The following MECOM variants were observed in gnomAD, a reference collection of about 807,000 sequenced individuals.
The protein encoded by MECOM is MDS1 and EVI1 complex locus.
A neutral mutation model predicts 116.3 loss-of-function variants in MECOM; 13 were observed. The observed-to-expected ratio is 0.11, with a 90% CI of 0.07 to 0.18. The LOEUF (loss-of-function observed/expected upper bound fraction) is 0.18, where lower values mean the gene tolerates loss of function less well. MECOM is among the 10% of genes least tolerant of loss of function. The pLI, the probability that MECOM is intolerant of heterozygous loss-of-function variation, is 1.00. For missense variants in MECOM, 1,299 were observed against 1,509.0 expected, an observed-to-expected ratio of 0.86 and a Z score of 2.31; for synonymous variants, 528 against 535.2, an observed-to-expected ratio of 0.99 and a Z score of 0.19.
At chr3:169,097,373 C>T (rs906539784) in intron 12 of MECOM, among the ~76,000 whole-genome samples, 3 of 152,100 alleles carry the variant, frequency 2.0e-5, no homozygotes, top group East Asian at 1.9e-4. Flanking sequence ...AAAATCACTT[C>T]CTTCTACACA....
rs1213085903 is a variant in MECOM, at chr3:169,089,059, T to C, written c.3526A>G (p.Ser1176Gly). ...AGTTCCTCTGGCACATGGGAAGTAC[T>C]AAAAGAAGACAGCTCAGCTTCAGAA... Reference protein sequence around the residue: ...QYSEAELSSFSTSHVPEELKQ... With the variant: ...QYSEAELSSFGTSHVPEELKQ... The change falls in exon 16 of 17, where the codon AGT becomes GGT. Residue 1176 changes from serine (S) to glycine (G), a missense_variant. By Grantham distance (56) the Ser-to-Gly change is moderately conservative. Around this residue, in one of 6 missense-constraint regions of MECOM, gnomAD observed 273 missense variants for 289.3 expected, o/e 0.94. Coordinates refer to ENST00000651503, the MANE Select transcript of MECOM (RefSeq NM_004991.4). 6.2e-7 allele frequency: 1 copy of C among 1,609,724 alleles called. No homozygotes were observed. The highest frequency in any genetic ancestry group is 1.1e-5 in the South Asian group (1 of 90,212).
chr3:169,544,033 G>A (rs1360878950), intron 1 of MECOM, among the ~76,000 whole-genome samples: 1 of 152,136 alleles, frequency 6.6e-6, no homozygotes, highest in Non-Finnish European at 1.5e-5. Flanking sequence ...TTACAGGCAT[G>A]TGCCACCACA....
intron 2 of MECOM, among the ~76,000 whole-genome samples, chr3:169,212,223 A>G (rs9852670): frequency 0.13 from 20,344 of 151,960 alleles, 2,112 homozygotes; most frequent in African/African-American, 0.27. Flanking sequence ...ATGCAGCAGC[A>G]TCTCCAGGAA....
At chr3:169,227,231 T>C (rs1329860891) in intron 2 of MECOM, among the ~76,000 whole-genome samples, 8 of 152,110 alleles carry the variant, frequency 5.3e-5, no homozygotes, top group Admixed American at 4.6e-4. Flanking sequence ...AAAATAAATA[T>C]AAACATCTTA....
intron 1 of MECOM, among the ~76,000 whole-genome samples, chr3:169,580,635 G>A (rs181586876): frequency 2.4e-4 from 36 of 152,140 alleles, no homozygotes; most frequent in African/African-American, 8.4e-4. Context: ...GGCAGCTCAT[G>A]GAGGCTGGGA....
At chr3:169,119,834 A>G (rs1730403820) in intron 7 of MECOM, among the ~76,000 whole-genome samples, 1 of 152,106 alleles carries the variant, frequency 6.6e-6, no homozygotes, top group African/African-American at 2.4e-5. Context: ...CCCAAGGGAG[A>G]TGAGAGCACC....
At chr3:169,653,199 C>G (rs190139144) in intron 1 of MECOM, among the ~76,000 whole-genome samples, 2 of 152,214 alleles carry the variant, frequency 1.3e-5, no homozygotes, top group East Asian at 3.9e-4. Context: ...TACTTAACTG[C>G]ACAGGTTTTA....
At chr3:169,118,417 T>C (rs1560196379) in intron 7 of MECOM, among the ~76,000 whole-genome samples, 3 of 152,166 alleles carry the variant, frequency 2.0e-5, no homozygotes, top group South Asian at 4.1e-4. Context: ...TTTAAAAGTA[T>C]ATACAATTTA....
chr3:169,609,457 ATTT>A (rs5854341), intron 1 of MECOM, among the ~76,000 whole-genome samples: 48 of 149,180 alleles, frequency 3.2e-4, no homozygotes, highest in African/African-American at 1.0e-3. Flanking sequence ...TCAGTTAATC[ATTT>A]TTTTTTTTTT....
chr3:169,176,105 T>C (rs1490393356), intron 2 of MECOM, among the ~76,000 whole-genome samples: 2 of 22,490 alleles, frequency 8.9e-5, no homozygotes, highest in Non-Finnish European at 1.9e-4. Context: ...TGATAGCTGA[T>C]GAGAAAAAAA....
At chr3:169,208,635 C>A (rs1346698577) in intron 2 of MECOM, among the ~76,000 whole-genome samples, 1 of 151,928 alleles carries the variant, frequency 6.6e-6, no homozygotes, top group East Asian at 1.9e-4. Flanking sequence ...TGTTAGCTAA[C>A]AAGGGATGTG....
chr3:169,314,401 G>T (rs1406695680), intron 2 of MECOM, among the ~76,000 whole-genome samples: 1 of 152,190 alleles, frequency 6.6e-6, no homozygotes, highest in Non-Finnish European at 1.5e-5. Flanking sequence ...GGGATTTATA[G>T]CACGTGCATA....
chr3:169,586,694 C>T (rs1477566190), intron 1 of MECOM, among the ~76,000 whole-genome samples: 8 of 152,196 alleles, frequency 5.3e-5, no homozygotes, highest in Non-Finnish European at 1.2e-4. Context: ...TTAGATTCTT[C>T]ACTTACCCAG....
intron 2 of MECOM, chr3:169,149,718 G>A: frequency 2.2e-6 from 1 of 464,068 alleles, no homozygotes; most frequent in Non-Finnish European, 4.3e-6. Context: ...ATACAACCAA[G>A]AGTGAACGCT....
chr3:169,601,842 A>G (rs1418703953), intron 1 of MECOM, among the ~76,000 whole-genome samples: 1 of 152,212 alleles, frequency 6.6e-6, no homozygotes, highest in African/African-American at 2.4e-5. Flanking sequence ...ATGTAGGTTA[A>G]AGGTTAAAAA....
intron 1 of MECOM, among the ~76,000 whole-genome samples, chr3:169,454,029 C>G (rs941738268): frequency 2.0e-5 from 3 of 152,092 alleles, no homozygotes; most frequent in African/African-American, 7.2e-5. Context: ...GTGCAAGGTC[C>G]CTGTCCACCC....
chr3:169,490,996 C>A (rs1478483376), intron 1 of MECOM, among the ~76,000 whole-genome samples: 1 of 151,862 alleles, frequency 6.6e-6, no homozygotes, highest in Non-Finnish European at 1.5e-5. Context: ...GTAACCAAGA[C>A]TATAGGCACA....
At chr3:169,406,676 G>A (rs950541679) in intron 1 of MECOM, among the ~76,000 whole-genome samples, 9 of 151,958 alleles carry the variant, frequency 5.9e-5, no homozygotes, top group South Asian at 2.1e-4. Context: ...TAATGTCACC[G>A]TAAAACCTAC....
At chr3:169,299,550 G>A (rs2149710225) in intron 2 of MECOM, among the ~76,000 whole-genome samples, 1 of 152,122 alleles carries the variant, frequency 6.6e-6, no homozygotes, top group East Asian at 1.9e-4. Flanking sequence ...ACCTTTCAAA[G>A]TAAAGTTCAC....
Sources: allele counts gnomAD v4.1 joint callset (sites outside exome capture counted in the v4.1 genomes callset), GRCh38; gene constraint gnomAD v4.1.1; regional missense constraint gnomAD v4.1.1; transcripts MANE v1.5; gene names NCBI Gene and HGNC (gene_info 2026-07-23, HGNC 2026-07-21).